TLCD4: variants seen among roughly 807,000 people sequenced by gnomAD.
TLCD4 encodes TLC domain containing 4, also known as TLC domain-containing protein 4.
Under a neutral mutation model 24.2 loss-of-function variants are expected in TLCD4, and 7 were observed. That is an observed-to-expected ratio of 0.29 (90% CI 0.16 to 0.54). The LOEUF is 0.54. Ranked by LOEUF, TLCD4 falls within the 20% of genes least tolerant of loss-of-function variation. The pLI, the probability that TLCD4 is intolerant of heterozygous loss-of-function variation, is 0.95. For synonymous variants in TLCD4, 103 were observed against 106.4 expected (o/e 0.97, Z 0.20); for missense variants, 259 against 313.9 (o/e 0.82, Z 1.32).
At chr1:95,147,234 C>T (rs1320906851) in intron 2 of TLCD4, among the ~76,000 whole-genome samples, 1 of 152,004 alleles carries the variant, frequency 6.6e-6, no homozygotes, top group African/African-American at 2.4e-5. Flanking sequence ...CCACCATACC[C>T]AGCTAATTTT....
intron 6 of TLCD4, among the ~76,000 whole-genome samples, chr1:95,174,507 C>CAA (rs141819142): frequency 4.7e-5 from 4 of 85,870 alleles, no homozygotes; most frequent in African/African-American, 1.1e-4. Flanking sequence ...CCCATCCCTA[C>CAA]AAAAAAAAAA....
intron 6 of TLCD4, among the ~76,000 whole-genome samples, chr1:95,181,722 T>G (rs1433623240): frequency 1.3e-5 from 2 of 152,014 alleles, no homozygotes; most frequent in Non-Finnish European, 2.9e-5. Flanking sequence ...TCAGCCTCCC[T>G]GAGTAGCTGG....
At chr1:95,136,879 G>A (rs1296507330) in intron 1 of TLCD4, among the ~76,000 whole-genome samples, 39 of 152,140 alleles carry the variant, frequency 2.6e-4, no homozygotes, top group Non-Finnish European at 1.0e-4. Flanking sequence ...ATTCATTGAG[G>A]TATGGCACCA....
chr1:95,137,323 C>T (rs962266104), intron 1 of TLCD4, among the ~76,000 whole-genome samples: 1 of 152,106 alleles, frequency 6.6e-6, no homozygotes, highest in Non-Finnish European at 1.5e-5. Context: ...GGCATTCTTC[C>T]CAGCTTCCCC....
chr1:95,102,850 A>C, the TLCD4 span, among the ~76,000 whole-genome samples: 2 of 152,316 alleles, frequency 1.3e-5, no homozygotes, highest in South Asian at 2.1e-4. Context: ...CTCAAGGGCT[A>C]GGGGAATGCA....
chr1:95,175,762 T>C (rs1215623647), intron 6 of TLCD4, among the ~76,000 whole-genome samples: 1 of 152,050 alleles, frequency 6.6e-6, no homozygotes. Context: ...TGTTTTTCTT[T>C]TTCTTTTTCT....
chr1:95,181,876 C>T (rs1571782265), intron 6 of TLCD4, among the ~76,000 whole-genome samples: 1 of 152,148 alleles, frequency 6.6e-6, no homozygotes, highest in South Asian at 2.1e-4. Flanking sequence ...GCCTCGGCCT[C>T]CCCAAGTGCT....
intron 6 of TLCD4, chr1:95,174,112 G>A (rs1001349548): frequency 3.3e-6 from 2 of 597,976 alleles, no homozygotes; most frequent in Non-Finnish European, 5.8e-6. Flanking sequence ...TTTAAATCCT[G>A]CTCTTTGCAG....
At chr1:95,126,735 C>G (rs1676746043) in intron 1 of TLCD4, among the ~76,000 whole-genome samples, 1 of 152,176 alleles carries the variant, frequency 6.6e-6, no homozygotes, top group South Asian at 2.1e-4. Flanking sequence ...TGGCCTCTAT[C>G]TACCATCCTC....
intron 6 of TLCD4, among the ~76,000 whole-genome samples, chr1:95,174,605 A>T (rs983442747): frequency 6.6e-6 from 1 of 151,996 alleles, no homozygotes; most frequent in African/African-American, 2.4e-5. Context: ...GAAGGATTGC[A>T]TGAGTCCAAG....
intron 5 of TLCD4, 53 bp downstream of exon 5, chr1:95,151,472 G>C (rs889434908): frequency 3.8e-6 from 6 of 1,572,304 alleles, no homozygotes; most frequent in Non-Finnish European, 5.2e-6. Context: ...TGGGAATAGT[G>C]ATGTAAAGGT....
the TLCD4 span, among the ~76,000 whole-genome samples, chr1:95,097,148 C>T: frequency 6.6e-6 from 1 of 151,954 alleles, no homozygotes; most frequent in South Asian, 2.1e-4. Context: ...AATTTAATAC[C>T]TTTATATACT....
chr1:95,190,648 C>G (rs1038962910), intron 6 of TLCD4, among the ~76,000 whole-genome samples: 1 of 151,798 alleles, frequency 6.6e-6, no homozygotes, highest in African/African-American at 2.4e-5. Context: ...TTTCAAACCC[C>G]TGACCTCAGG....
upstream of TLCD4, among the ~76,000 whole-genome samples, chr1:95,113,739 A>G (rs1676381204): frequency 6.6e-6 from 1 of 152,230 alleles, no homozygotes; most frequent in African/African-American, 2.4e-5. Flanking sequence ...AATGCGCAAA[A>G]AGAACATAAA....
chr1:95,109,252 A>C, the TLCD4 span, among the ~76,000 whole-genome samples: 1 of 152,146 alleles, frequency 6.6e-6, no homozygotes, highest in Non-Finnish European at 1.5e-5. Context: ...GTTTGGGCCC[A>C]GGAGGTTGAT....
At chr1:95,145,903 C>T (rs759845997) in intron 2 of TLCD4, among the ~76,000 whole-genome samples, 55 of 152,290 alleles carry the variant, frequency 3.6e-4, no homozygotes, top group Non-Finnish European at 4.6e-4. Context: ...ATATAAAATT[C>T]ATTTAGGTAT....
intron 1 of TLCD4, among the ~76,000 whole-genome samples, chr1:95,130,663 A>G (rs1676866090): frequency 6.6e-6 from 1 of 152,210 alleles, no homozygotes; most frequent in Admixed American, 6.5e-5. Context: ...GTGCTTATTT[A>G]CAAATGACTT....
chr1:95,184,261 GCT>G (rs1357612262), intron 6 of TLCD4, among the ~76,000 whole-genome samples: 5 of 151,910 alleles, frequency 3.3e-5, no homozygotes, highest in African/African-American at 1.2e-4. Flanking sequence ...CTTTCCTAAG[GCT>G]CTCTCAAACT....
chr1:95,148,596 A>G, intron 2 of TLCD4, 106 bp from the exon 3 acceptor site: 1 of 1,468,394 alleles, frequency 6.8e-7, no homozygotes, highest in Non-Finnish European at 9.2e-7. Flanking sequence ...ACACCTGTAT[A>G]TAAATGCTTC....
Sources: gnomAD v4.1 joint callset for allele counts (sites outside exome capture counted in the v4.1 genomes callset) on GRCh38, gnomAD v4.1.1 for gene constraint, MANE v1.5 for transcripts, NCBI Gene and HGNC (gene_info 2026-07-23, HGNC 2026-07-21) for gene names.